SPTA1: variants seen among roughly 807,000 people sequenced by gnomAD.
SPTA1 encodes spectrin alpha, erythrocytic 1.
A neutral mutation model predicts 324.7 loss-of-function variants in SPTA1; 177 were observed. That is an observed-to-expected ratio of 0.55 (90% CI 0.48 to 0.62). The LOEUF is 0.62. SPTA1 is among the 20% of genes least tolerant of loss of function. The pLI is 0.00. For missense variants in SPTA1, 3,162 were observed against 2,883.6 expected (o/e 1.10, Z -2.21); for synonymous variants, 1,195 against 1,041.3 (o/e 1.15, Z -2.84).
rs939573997 is a variant in SPTA1, at chr1:158,611,059, T to C, written c.*205A>G. Reference sequence around the variant, plus strand: ...AATAGCTTCCACTCCTCCAACTCTATTAACCTTTCTATCTCCCACCCTTGA... The same window carrying C: ...AATAGCTTCCACTCCTCCAACTCTACTAACCTTTCTATCTCCCACCCTTGA... On this transcript the variant is annotated 3_prime_UTR_variant, in exon 52 of 52. Coordinates refer to ENST00000643759, the MANE Select transcript of SPTA1 (RefSeq NM_003126.4). 25 of 661,730 alleles carry C rather than the reference T, an allele frequency of 3.8e-5. No individual in the cohort carries two copies. Among genetic ancestry groups the C allele is most frequent in the Non-Finnish European group, 5.1e-5 (20 of 391,022 alleles). 41.0% of individuals were successfully genotyped at this position (661,730 alleles called of 1,614,324 possible).
At chr1:158,641,182 G>A (rs1279399974) in intron 33 of SPTA1, among the ~76,000 whole-genome samples, 4 of 152,070 alleles carry the variant, frequency 2.6e-5, no homozygotes, top group South Asian at 2.1e-4. Flanking sequence ...AGACTTAAAT[G>A]TTAGACCTAA....
chr1:158,667,486 T>C (rs1352514698), intron 15 of SPTA1, among the ~76,000 whole-genome samples: 2 of 152,174 alleles, frequency 1.3e-5, no homozygotes, highest in Non-Finnish European at 2.9e-5. Context: ...TGAGTCATAA[T>C]ATCTTGTCTA....
At chr1:158,655,266 A>C (rs1006456455) in intron 20 of SPTA1, among the ~76,000 whole-genome samples, 1 of 152,172 alleles carries the variant, frequency 6.6e-6, no homozygotes, top group African/African-American at 2.4e-5. Flanking sequence ...AGGCCACAGA[A>C]TTTTAAAAAC....
chr1:158,670,867 G>T (rs1432645470), intron 12 of SPTA1, among the ~76,000 whole-genome samples: 1 of 151,918 alleles, frequency 6.6e-6, no homozygotes, highest in East Asian at 1.9e-4. Context: ...TTAAGATATT[G>T]CTAGAGAGGA....
At chr1:158,668,344 A>T (rs151261075) in intron 14 of SPTA1, among the ~76,000 whole-genome samples, 22 of 152,278 alleles carry the variant, frequency 1.4e-4, no homozygotes, top group African/African-American at 5.3e-4. Flanking sequence ...ACTAACAATC[A>T]GAGCTGTCAT....
chr1:158,621,545 C>T (rs1236236596), intron 43 of SPTA1, among the ~76,000 whole-genome samples: 1 of 152,026 alleles, frequency 6.6e-6, no homozygotes, highest in East Asian at 1.9e-4. Context: ...TTATAAATAT[C>T]TTGTAATCAG....
intron 23 of SPTA1, among the ~76,000 whole-genome samples, chr1:158,651,773 G>A (rs1227333776): frequency 6.6e-6 from 1 of 152,132 alleles, no homozygotes; most frequent in Non-Finnish European, 1.5e-5. Context: ...TACCTGAGCT[G>A]TGTAACATCC....
At chr1:158,670,246 A>C (rs1653923891) in intron 12 of SPTA1, among the ~76,000 whole-genome samples, 1 of 152,206 alleles carries the variant, frequency 6.6e-6, no homozygotes. Flanking sequence ...CCAGTTACAT[A>C]GGAGAAGAGT....
intron 12 of SPTA1, 128 bp downstream of exon 12, chr1:158,671,215 A>G (rs545502235): frequency 2.8e-6 from 2 of 716,680 alleles, no homozygotes; most frequent in African/African-American, 1.8e-5. Flanking sequence ...AAGAGATGCA[A>G]CTTGATTAGG....
intron 10 of SPTA1, 56 bp downstream of exon 10, chr1:158,674,273 T>C: frequency 6.8e-7 from 1 of 1,470,858 alleles, no homozygotes. Context: ...ATTGTGAGAT[T>C]ATGTAATGAC....
chr1:158,614,318 A>AG lies in SPTA1; in HGVS notation c.6789-13_6789-12insC. 1 of 1,578,448 alleles carries AG rather than the reference A, an allele frequency of 6.3e-7. No homozygotes were observed. Among genetic ancestry groups the AG allele is most frequent in the Non-Finnish European group, 8.7e-7 (1 of 1,151,720 alleles). ...CACCTTTGATGTCCCTGAAAGAAAAAAAAAAAACATGAATTTTCCCTGTAT... is the reference window on the plus strand; with the variant it reads ...CACCTTTGATGTCCCTGAAAGAAAAAGAAAAAAACATGAATTTTCCCTGTAT... On this transcript the variant is annotated splice_polypyrimidine_tract_variant and intron_variant, in intron 48 of 51. Transcript: ENST00000643759.
chr1:158,638,315 G>A, intron 35 of SPTA1, 74 bp from the exon 36 acceptor site: 1 of 1,468,690 alleles, frequency 6.8e-7, no homozygotes, highest in Non-Finnish European at 9.3e-7. Context: ...AACAACAGCT[G>A]GTCTGGCTCA....
rs766250365 is a variant in SPTA1, at chr1:158,626,221, A to C, written c.5835T>G (p.Ala1945=). 6.2e-7 allele frequency: 1 copy of C among 1,613,530 alleles called. No homozygotes were observed. The highest frequency in any genetic ancestry group is 8.5e-7 in the Non-Finnish European group (1 of 1,179,546). Residue 1945 remains alanine (A), a splice_region_variant and synonymous_variant, in exon 42 of 52, where the codon GCT becomes GCG. Transcript: ENST00000643759. ...WKADVVEAWI[A]DKETSLKTNG... is the part of the protein sequence containing the mutation. ...TGGTCTTTAGGCTTGTTTCCTTATC[A>C]GCTAAAAGGCAAAAACAATTAAGAA...
At chr1:158,685,078 G>C (rs199814883) in intron 2 of SPTA1, 30 bp downstream of exon 2, 1 of 1,613,120 alleles carries the variant, frequency 6.2e-7, no homozygotes, top group Admixed American at 1.7e-5. Context: ...CTTAGGGTCT[G>C]CTCTGAGGCA....
At chr1:158,622,157 C>T (rs571202289) in intron 43 of SPTA1, among the ~76,000 whole-genome samples, 11 of 152,218 alleles carry the variant, frequency 7.2e-5, no homozygotes, top group Non-Finnish European at 2.9e-5. Context: ...AGCCACTGCA[C>T]CTGGCCTCCT....
At chr1:158,631,812 T>G (rs1390654777) in intron 39 of SPTA1, among the ~76,000 whole-genome samples, 2 of 152,160 alleles carry the variant, frequency 1.3e-5, no homozygotes, top group Non-Finnish European at 2.9e-5. Flanking sequence ...AGTGAAGATA[T>G]GCAGAAATTG....
intron 45 of SPTA1, among the ~76,000 whole-genome samples, chr1:158,618,936 T>C (rs1337818406): frequency 6.6e-6 from 1 of 152,154 alleles, no homozygotes; most frequent in Non-Finnish European, 1.5e-5. Flanking sequence ...AAATTGTTAT[T>C]ATTTTGGACT....
intron 39 of SPTA1, among the ~76,000 whole-genome samples, chr1:158,631,363 C>A (rs971751687): frequency 2.0e-5 from 3 of 152,144 alleles, no homozygotes; most frequent in Middle Eastern, 3.4e-3. Flanking sequence ...GAATGGAAAA[C>A]CAAATGTCTT....
rs375618954 is a variant in SPTA1, at chr1:158,635,968, G to A, written c.5377C>T (p.Arg1793Trp). ...CAGTGTTCAACAAACTGAGCCAGCC[G>A]CAACTGGATCTCCTCTTGCCCCACA... is the stretch of plus-strand genomic sequence containing the variant. ...AAVGQEEIQLRLAQFVEHWEK... is the reference protein window; with the variant it reads ...AAVGQEEIQLWLAQFVEHWEK... Residue 1793 changes from arginine (R) to tryptophan (W), a missense_variant, in exon 38 of 52, where the codon CGG (arginine) becomes TGG (tryptophan). Coordinates refer to ENST00000643759, the MANE Select transcript of SPTA1 (RefSeq NM_003126.4). 5.6e-5 allele frequency: 90 copies of A among 1,613,958 alleles called. No individual in the cohort carries two copies. Among genetic ancestry groups the A allele is most frequent in the East Asian group, 8.9e-5 (4 of 44,880 alleles).
Sources: allele counts gnomAD v4.1 joint callset (sites outside exome capture counted in the v4.1 genomes callset), GRCh38; gene constraint gnomAD v4.1.1; transcripts MANE v1.5; gene names NCBI Gene and HGNC (gene_info 2026-07-23, HGNC 2026-07-21).